COX10: variants seen among roughly 807,000 people sequenced by gnomAD.
The protein encoded by COX10 is cytochrome c oxidase assembly factor heme A:farnesyltransferase COX10.
COX10 carries 27 observed loss-of-function variants against 37.3 expected under a neutral mutation model. The observed-to-expected ratio is 0.72, with a 90% confidence interval of 0.53 to 1.00. COX10 has a LOEUF of 1.00. Ranked by LOEUF, COX10 falls within the 50% of genes least tolerant of loss-of-function variation. The pLI, the probability that COX10 is intolerant of heterozygous loss-of-function variation, is 0.00. For missense variants in COX10, 475 were observed against 563.2 expected (o/e 0.84, Z 1.59); for synonymous variants, 222 against 229.1 (o/e 0.97, Z 0.28).
intron 4 of COX10, among the ~76,000 whole-genome samples, chr17:14,130,973 C>T (rs1378564668): frequency 6.6e-6 from 1 of 152,150 alleles, no homozygotes; most frequent in African/African-American, 2.4e-5. Context: ...TGTGCCTTCA[C>T]TAAGTATTAG....
At chr17:14,157,433 G>A (rs758851582) in intron 4 of COX10, among the ~76,000 whole-genome samples, 2 of 152,180 alleles carry the variant, frequency 1.3e-5, no homozygotes, top group Non-Finnish European at 2.9e-5. Context: ...AAAAGGAGGG[G>A]AACATTCTAG....
chr17:14,165,698 G>C (rs1454776540), intron 5 of COX10, among the ~76,000 whole-genome samples: 3 of 152,114 alleles, frequency 2.0e-5, no homozygotes, highest in Non-Finnish European at 4.4e-5. Flanking sequence ...TAATGAGGAA[G>C]GTGACATGTT....
intron 5 of COX10, among the ~76,000 whole-genome samples, chr17:14,189,346 A>C (rs1906132457): frequency 6.6e-6 from 1 of 152,130 alleles, no homozygotes. Context: ...TTTTCCTCAC[A>C]AATTGATGTG....
chr17:14,136,275 C>A (rs1002447598), intron 4 of COX10, among the ~76,000 whole-genome samples: 2 of 151,936 alleles, frequency 1.3e-5, no homozygotes, highest in Non-Finnish European at 2.9e-5. Flanking sequence ...AAAATTACTT[C>A]ATTAATCTAG....
At chr17:14,104,347 C>T (rs1264618735) in intron 4 of COX10, among the ~76,000 whole-genome samples, 1 of 152,058 alleles carries the variant, frequency 6.6e-6, no homozygotes, top group African/African-American at 2.4e-5. Flanking sequence ...CAATCTTATA[C>T]ATTTAAAATA....
rs1339399174 is a variant in COX10 at position 14,207,031 on chromosome 17, A to G, written c.1150A>G (p.Met384Val). ...CATCACCACATGGACCTTCCCCATC[A>G]TGGCCCTTCCCATCAATGCGTACAT... ...LDITTWTFPIMALPINAYISY... is the reference protein window; with the variant it reads ...LDITTWTFPIVALPINAYISY... Residue 384 changes from methionine (M) to valine (V), a missense_variant, in exon 7 of 7, where the codon ATG becomes GTG. By Grantham distance (21) the Met-to-Val change is conservative (BLOSUM62 1). Around this residue, in one of 5 missense-constraint regions of COX10, gnomAD observed 160 missense variants for 180.6 expected, o/e 0.89. Coordinates refer to ENST00000261643, the MANE Select transcript of COX10 (RefSeq NM_001303.4). 1.2e-6 allele frequency: 2 copies of G among 1,614,020 alleles called. No individual in the cohort carries two copies. The highest frequency in any genetic ancestry group is 2.2e-5 in the East Asian group (1 of 44,850).
intron 5 of COX10, among the ~76,000 whole-genome samples, chr17:14,175,646 C>T (rs1001315562): frequency 2.0e-5 from 3 of 151,990 alleles, no homozygotes; most frequent in Non-Finnish European, 4.4e-5. Flanking sequence ...CATTCCAGTC[C>T]GGTGGAGAAG....
At chr17:14,109,575 G>A (rs1915969833) in intron 4 of COX10, among the ~76,000 whole-genome samples, 1 of 152,180 alleles carries the variant, frequency 6.6e-6, no homozygotes, top group African/African-American at 2.4e-5. Flanking sequence ...AGAAGAAAAT[G>A]AAGCTTAATG....
At position 14,076,652 on chromosome 17, in the gene COX10, G is replaced by C. The variant is rs1915158057; in HGVS notation, c.178-83G>C. 5 of 1,262,860 alleles carry C rather than the reference G, an allele frequency of 4.0e-6. No individual in the cohort carries two copies. The South Asian group carries it at 6.2e-5, about 16-fold the overall frequency. 78.2% of individuals were successfully genotyped at this position (1,262,860 alleles called of 1,614,324 possible). On this transcript the variant is annotated intron_variant, in intron 2 of 6. Coordinates refer to ENST00000261643, the MANE Select transcript of COX10 (RefSeq NM_001303.4). ...AAAGCTTTCAAATAATGTAAAAGCT[G>C]GTCTGATTGAAGATGTTGCTAAATA... is the stretch of plus-strand genomic sequence containing the variant.
chr17:14,196,031 A>G (rs1433772222), intron 6 of COX10, among the ~76,000 whole-genome samples: 1 of 152,168 alleles, frequency 6.6e-6, no homozygotes, highest in Admixed American at 6.5e-5. Context: ...ATAGTTATAA[A>G]GAGCCCTTCT....
intron 5 of COX10, among the ~76,000 whole-genome samples, chr17:14,190,330 G>C (rs1189192962): frequency 6.6e-6 from 1 of 152,188 alleles, no homozygotes. Flanking sequence ...GGGAATGTTG[G>C]ATGGACAAGG....
intron 3 of COX10, among the ~76,000 whole-genome samples, chr17:14,089,756 T>C (rs1198264294): frequency 1.3e-5 from 2 of 152,188 alleles, no homozygotes; most frequent in Non-Finnish European, 2.9e-5. Context: ...ATGCTTGTTA[T>C]AATGCAAATG....
chr17:14,077,287 T>G, intron 3 of COX10: 1 of 515,892 alleles, frequency 1.9e-6, no homozygotes, highest in Admixed American at 3.6e-5. Flanking sequence ...AGTCACCCTT[T>G]CCTTTGCAAT....
chr17:14,075,006 T>C (rs1915108486), intron 2 of COX10, among the ~76,000 whole-genome samples: 1 of 152,202 alleles, frequency 6.6e-6, no homozygotes, highest in Admixed American at 6.5e-5. Context: ...AACTTACTAT[T>C]AATTGCCAGG....
intron 1 of COX10, 90 bp downstream of exon 1, chr17:14,069,738 G>A: frequency 1.3e-6 from 2 of 1,544,920 alleles, no homozygotes; most frequent in East Asian, 4.6e-5. Flanking sequence ...TGCAACCTTG[G>A]GGAGCCCTTG....
chr17:14,174,263 C>T (rs1905582379), intron 5 of COX10, among the ~76,000 whole-genome samples: 1 of 151,776 alleles, frequency 6.6e-6, no homozygotes. Flanking sequence ...AGTTTGAGAC[C>T]AGTCTGGGCA....
chr17:14,079,278 G>A (rs1313651912), intron 3 of COX10, among the ~76,000 whole-genome samples: 1 of 152,204 alleles, frequency 6.6e-6, no homozygotes, highest in East Asian at 1.9e-4. Context: ...TGCTTAATGT[G>A]TATTATATTT....
At chr17:14,168,260 A>G (rs1284526957) in intron 5 of COX10, among the ~76,000 whole-genome samples, 1 of 152,216 alleles carries the variant, frequency 6.6e-6, no homozygotes, top group Admixed American at 6.5e-5. Flanking sequence ...CACTGATGCA[A>G]GGTTGGGCTC....
At chr17:14,192,490 G>A (rs1339971547) in intron 6 of COX10, among the ~76,000 whole-genome samples, 1 of 152,170 alleles carries the variant, frequency 6.6e-6, no homozygotes, top group Non-Finnish European at 1.5e-5. Context: ...TGTGACTACA[G>A]GTGGATAAAG....
Sources: gnomAD v4.1 joint callset for allele counts (sites outside exome capture counted in the v4.1 genomes callset) on GRCh38, gnomAD v4.1.1 for gene constraint, gnomAD v4.1.1 regional missense constraint, MANE v1.5 for transcripts, NCBI Gene and HGNC (gene_info 2026-07-23, HGNC 2026-07-21) for gene names.